The following CCR6 variants were observed in gnomAD, a reference collection of about 807,000 sequenced individuals.
The protein encoded by CCR6 is C-C chemokine receptor type 6.
In CCR6, 2 loss-of-function variants were observed where a neutral mutation model predicts 3.0. That is an observed-to-expected ratio of 0.66 (90% CI 0.27 to 2.07). The LOEUF is 2.07. Among genes scored for constraint, CCR6 ranks in the 30% most tolerant of loss-of-function variants. The pLI is 0.14. For synonymous variants in CCR6, 193 were observed against 184.3 expected (o/e 1.05, Z -0.38); for missense variants, 322 against 462.8 (o/e 0.70, Z 2.79).
Position 167,137,989 on chromosome 6 carries a change from G to A in CCR6, c.*634G>A, listed in dbSNP as rs1781875387. 6.5e-6 allele frequency: 1 copy of A among 152,712 alleles called. No individual in the cohort carries two copies. The highest frequency in any genetic ancestry group is 1.5e-5 in the Non-Finnish European group (1 of 68,340). 9.5% of individuals were successfully genotyped at this position (152,712 alleles called of 1,614,324 possible). ...GAAGAAGGGGACAATGGCAGAACAGGTGTTGGTGACAATTGTCACCAATTG... is the reference window on the plus strand; with the variant it reads ...GAAGAAGGGGACAATGGCAGAACAGATGTTGGTGACAATTGTCACCAATTG... On this transcript the variant is annotated 3_prime_UTR_variant, in exon 3 of 3. Transcript: ENST00000341935. The surrounding 1 kb of genome is among the most constrained non-coding windows in gnomAD (Gnocchi z 4.6).
Position 167,133,932 on chromosome 6 carries a change from G to GTGTGTATATA in CCR6, c.-97-2105_-97-2104insGTGTATATAT, listed in dbSNP as rs1183741225. Among the ~76,000 whole-genome samples the GTGTGTATATA allele has an allele frequency of 3.4e-3, 375 of 110,350 alleles. 8 individuals are homozygous for GTGTGTATATA. Among genetic ancestry groups the GTGTGTATATA allele is most frequent in the Middle Eastern group, 5.2e-3 (1 of 194 alleles). 72.4% of individuals were successfully genotyped at this position (110,350 alleles called of 152,430 possible). A position where few individuals can be genotyped will look rare whatever the true frequency, so the allele number is the denominator to read the frequency against. On this transcript the variant is annotated intron_variant, in intron 1 of 2. Transcript: ENST00000341935. ...ATACTATTATATATGATATATGTGTGTATATATATATATATATATATATAT... is the reference window on the plus strand; with the variant it reads ...ATACTATTATATATGATATATGTGTGTGTGTATATATATATATATATATATATATATATAT...
At chr6:167,121,202 T>A (rs939993286), upstream of CCR6, among the ~76,000 whole-genome samples, 2 of 152,240 alleles carry the variant, frequency 1.3e-5, no homozygotes, top group Non-Finnish European at 2.9e-5. Flanking sequence ...TGAATCTCTT[T>A]GTTCTGCAAG....
At chr6:167,133,612 G>T in intron 1 of CCR6, among the ~76,000 whole-genome samples, 1 of 149,456 alleles carries the variant, frequency 6.7e-6, no homozygotes, top group Non-Finnish European at 1.5e-5. Flanking sequence ...AAAAATTTTG[G>T]AATTGACTTG....
At chr6:167,130,190 C>T (rs1781731018) in intron 1 of CCR6, among the ~76,000 whole-genome samples, 1 of 151,740 alleles carries the variant, frequency 6.6e-6, no homozygotes, top group Non-Finnish European at 1.5e-5. Flanking sequence ...AAGTGCTGAA[C>T]CTCAAAGAGA....
chr6:167,123,317 T>C (rs1781617011), intron 1 of CCR6, 94 bp downstream of exon 1: 1 of 152,728 alleles, frequency 6.5e-6, no homozygotes, highest in Non-Finnish European at 1.5e-5. Context: ...TACTCATTAA[T>C]CTTCCAGAAT....
chr6:167,125,486 C>A lies in CCR6; in HGVS notation c.-98+2263C>A, dbSNP rs1276075670. Among the ~76,000 whole-genome samples the A allele has an allele frequency of 3.3e-5, 5 of 152,244 alleles. No homozygotes were observed. In the East Asian group the frequency reaches 7.7e-4, roughly 23 times the overall value. ...CACCACAGAGCCAGCCAGTATTGGT[C>A]TCCCTGAGAGTGTGTGCTGTGGCTA... On this transcript the variant is annotated intron_variant, in intron 1 of 2. Transcript: ENST00000341935.
At chr6:167,130,035 C>T (rs1165558076) in intron 1 of CCR6, among the ~76,000 whole-genome samples, 1 of 151,806 alleles carries the variant, frequency 6.6e-6, no homozygotes, top group Non-Finnish European at 1.5e-5. Flanking sequence ...CCTCTGCCCA[C>T]TTGTTTGGGA....
intron 1 of CCR6, chr6:167,115,185 G>C (rs1012299332): frequency 6.6e-6 from 1 of 152,236 alleles, no homozygotes; most frequent in Non-Finnish European, 1.5e-5. Flanking sequence ...ACTGGATGGG[G>C]GTCTCACTGG....
intron 1 of CCR6, chr6:167,112,149 T>G (rs960281344): frequency 6.6e-5 from 10 of 152,230 alleles, no homozygotes; most frequent in Non-Finnish European, 1.0e-4. Context: ...TACTTATTTA[T>G]TTAGGCTACT....
chr6:167,136,275 T>G lies in CCR6; in HGVS notation c.45T>G (p.Ser15Arg). 4 of 1,608,864 alleles carry G rather than the reference T, an allele frequency of 2.5e-6. No homozygotes were observed. The highest frequency in any genetic ancestry group is 3.4e-6 in the Non-Finnish European group (4 of 1,177,304). Residue 15 changes from serine to arginine, a missense_variant, in exon 3 of 3, where the codon AGT (serine) becomes AGG (arginine). Coordinates refer to ENST00000341935, the MANE Select transcript of CCR6 (RefSeq NM_031409.4). The surrounding 1 kb of genome is among the most constrained non-coding windows in gnomAD (Gnocchi z 4.6). The part of the protein sequence containing the change: ...SMNFSDVFDS[S>R]EDYFVSVNTS... ...ATTTCAGCGATGTTTTCGACTCCAG[T>G]GAAGATTATTTTGTGTCAGTCAATA...
Position 167,136,751 on chromosome 6 carries a change from T to A in CCR6, c.521T>A (p.Leu174Gln). Residue 174 changes from leucine (L) to glutamine (Q), a missense_variant, in exon 3 of 3, where the codon CTG (leucine) becomes CAG (glutamine). Transcript: ENST00000341935. The surrounding 1 kb of genome is among the most constrained non-coding windows in gnomAD (Gnocchi z 4.6). ...SKIICLVVWG[L>Q]SVIISSSTFV... ...ATCATCTGCCTTGTTGTGTGGGGGC[T>A]GTCAGTCATCATCTCCAGCTCAACT... The A allele has an allele frequency of 6.2e-7, 1 of 1,614,006 alleles. No homozygotes were observed. The highest frequency in any genetic ancestry group is 1.1e-5 in the South Asian group (1 of 91,074).
chr6:167,112,079 T>A (rs543007859), intron 1 of CCR6: 1 of 152,384 alleles, frequency 6.6e-6, no homozygotes, highest in Non-Finnish European at 1.5e-5. Flanking sequence ...ATAATTGTTT[T>A]ATGCTTTGGA....
intron 1 of CCR6, among the ~76,000 whole-genome samples, chr6:167,135,826 A>G (rs1781841533): frequency 6.6e-6 from 1 of 152,242 alleles, no homozygotes; most frequent in Admixed American, 6.5e-5. Flanking sequence ...GAGCTGTGAC[A>G]GAGACCATAT....
intron 1 of CCR6, among the ~76,000 whole-genome samples, chr6:167,133,956 A>ATATATATATATC (rs1781810873): frequency 1.1e-5 from 1 of 89,542 alleles, no homozygotes; most frequent in Non-Finnish European, 2.7e-5. Context: ...ATATATATAT[A>ATATATATATATC]TATATATATA....
rs992269833 is a variant in CCR6, at chr6:167,130,983, C to T, written c.-97-5055C>T. Among the ~76,000 whole-genome samples the T allele has an allele frequency of 2.7e-4, 15 of 56,088 alleles. No homozygotes were observed. In the East Asian group the frequency reaches 4.3e-3, roughly 16 times the overall value. The allele number at this position is 56,088 out of a possible 152,430, so 36.8% of individuals were successfully genotyped here. A position where few individuals can be genotyped will look rare whatever the true frequency, so the allele number is the denominator to read the frequency against. ...ACTCCTCCCTCTGGGACCACCCTCC[C>T]TCTGGACCCCCTCCCTTTGGGACCC... On this transcript the variant is annotated intron_variant, in intron 1 of 2. Transcript: ENST00000341935.
intron 1 of CCR6, among the ~76,000 whole-genome samples, chr6:167,129,277 C>T (rs1417033485): frequency 6.6e-6 from 1 of 152,162 alleles, no homozygotes; most frequent in Non-Finnish European, 1.5e-5. Flanking sequence ...ATGTCTGTAA[C>T]ACCTCCCTGA....
chr6:167,129,922 T>C (rs1271420808), intron 1 of CCR6, among the ~76,000 whole-genome samples: 1 of 151,616 alleles, frequency 6.6e-6, no homozygotes, highest in East Asian at 1.9e-4. Context: ...CCGAATTGAG[T>C]CAAATGACAT....
chr6:167,124,265 G>GGA (rs10683579), intron 1 of CCR6, among the ~76,000 whole-genome samples: 64,363 of 135,504 alleles, frequency 0.47, 15,371 homozygotes, highest in Admixed American at 0.6. Context: ...TAAAGGAACT[G>GGA]AAAAAAAAAA....
At chr6:167,132,136 C>G (rs1347580653) in intron 1 of CCR6, among the ~76,000 whole-genome samples, 1 of 152,154 alleles carries the variant, frequency 6.6e-6, no homozygotes, top group African/African-American at 2.4e-5. Flanking sequence ...TGAGTCACCC[C>G]CGTTGGAGCA....
Sources: gnomAD v4.1 joint callset for allele counts (sites outside exome capture counted in the v4.1 genomes callset) on GRCh38, gnomAD v4.1.1 for gene constraint, Gnocchi (gnomAD v3.1) non-coding constraint, MANE v1.5 for transcripts, NCBI Gene and HGNC (gene_info 2026-07-23, HGNC 2026-07-21) for gene names.